Variants in NEURL1 observed in about 807,000 individuals in gnomAD.
NEURL1 encodes the protein E3 ubiquitin-protein ligase NEURL1.
NEURL1 carries 26 observed loss-of-function variants against 41.2 expected under a neutral mutation model. The observed-to-expected ratio is 0.63, with a 90% CI of 0.46 to 0.87. The LOEUF (loss-of-function observed/expected upper bound fraction) is 0.87, where lower values mean the gene tolerates loss of function less well. Ranked by LOEUF, NEURL1 falls within the 40% of genes least tolerant of loss-of-function variation. The pLI is 0.00. For missense variants in NEURL1, 761 were observed against 871.1 expected (o/e 0.87, Z 1.59); for synonymous variants, 400 against 402.3 (o/e 0.99, Z 0.07).
Position 103,555,530 on chromosome 10 carries a change from G to A in NEURL1, c.86-15342G>A, listed in dbSNP as rs1279066406. The stretch of plus-strand genomic sequence containing the variant: ...GTCATGCCCCTACTTCTCACTCCAT[G>A]GAGGGGTCTGGGGCTGTGTGGGGGC... On this transcript the variant is annotated intron_variant, in intron 1 of 5. Coordinates refer to ENST00000369780, the MANE Select transcript of NEURL1 (RefSeq NM_004210.5). The A allele has an allele frequency of 7.6e-6, 7 of 917,036 alleles. No homozygotes were observed. In the East Asian group the frequency reaches 5.3e-4, roughly 70 times the overall value. 56.8% of individuals were successfully genotyped at this position (917,036 alleles called of 1,614,324 possible).
intron 1 of NEURL1, among the ~76,000 whole-genome samples, chr10:103,567,067 T>C (rs2035440675): frequency 6.6e-6 from 1 of 151,030 alleles, no homozygotes. Flanking sequence ...ACTGCAACCC[T>C]CCGCCTCCTG....
intron 3 of NEURL1, chr10:103,577,831 C>G (rs2035697045): frequency 1.3e-5 from 2 of 152,228 alleles, no homozygotes; most frequent in Admixed American, 1.3e-4. Context: ...CTCCCGAGGG[C>G]TTTGTCTGGT....
intron 1 of NEURL1, among the ~76,000 whole-genome samples, chr10:103,525,801 A>G (rs951056112): frequency 5.9e-5 from 9 of 152,150 alleles, no homozygotes; most frequent in Non-Finnish European, 1.0e-4. Context: ...AAGTGGTAAT[A>G]GTGGGCTTTC....
In NEURL1 at chr10:103,494,053, A is replaced by C; in HGVS notation, c.-335A>C. On this transcript the variant is annotated 5_prime_UTR_variant, in exon 1 of 6. Transcript: ENST00000369780. ...CGGAGCCGCCGCGCCGCCCACCCCC[A>C]GCCGGAACCCTAGCGTCCCGGGGAG... is the stretch of plus-strand genomic sequence containing the variant. 4.8e-6 allele frequency: 1 copy of C among 206,660 alleles called. No individual in the cohort carries two copies. 12.8% of individuals were successfully genotyped at this position (206,660 alleles called of 1,614,324 possible).
At chr10:103,586,941 C>T (rs1322354494) in intron 4 of NEURL1, among the ~76,000 whole-genome samples, 1 of 152,132 alleles carries the variant, frequency 6.6e-6, no homozygotes, top group East Asian at 1.9e-4. Context: ...AGCCCAGCTA[C>T]TCGGGAGGTT....
intron 1 of NEURL1, among the ~76,000 whole-genome samples, chr10:103,534,266 G>A (rs934039459): frequency 6.2e-5 from 9 of 145,824 alleles, no homozygotes; most frequent in African/African-American, 1.5e-4. Context: ...CTTCCCATTT[G>A]GGTCTCTTAC....
At chr10:103,580,302 A>G (rs7068070) in intron 3 of NEURL1, among the ~76,000 whole-genome samples, 29,507 of 152,156 alleles carry the variant, frequency 0.19, 2,964 homozygotes, top group South Asian at 0.26. Flanking sequence ...GCCTTGTGCC[A>G]TCTCTGTTCC....
At chr10:103,514,872 TGGACAGCCC>T (rs2034162546) in intron 1 of NEURL1, among the ~76,000 whole-genome samples, 3 of 82,682 alleles carry the variant, frequency 3.6e-5, no homozygotes, top group Non-Finnish European at 9.3e-5. Context: ...GGGCTCTCTC[TGGACAGCCC>T]CCTCTCCCCA....
intron 1 of NEURL1, among the ~76,000 whole-genome samples, chr10:103,567,430 G>A (rs1264475492): frequency 6.6e-6 from 1 of 152,036 alleles, no homozygotes; most frequent in Admixed American, 6.6e-5. Flanking sequence ...TCTCACCCAG[G>A]TTGGAATGAA....
chr10:103,568,458 G>A (rs575551584), intron 1 of NEURL1, among the ~76,000 whole-genome samples: 1 of 152,232 alleles, frequency 6.6e-6, no homozygotes, highest in African/African-American at 2.4e-5. Flanking sequence ...CAGTTGCTCC[G>A]TGGATTCTGA....
intron 3 of NEURL1, among the ~76,000 whole-genome samples, chr10:103,575,761 G>A (rs149719232): frequency 1.8e-4 from 27 of 150,752 alleles, no homozygotes; most frequent in African/African-American, 6.0e-4. Context: ...TCTTTGGGGC[G>A]CCCTGGCCCA....
intron 1 of NEURL1, among the ~76,000 whole-genome samples, chr10:103,502,299 T>C (rs892103584): frequency 1.2e-4 from 18 of 152,168 alleles, no homozygotes; most frequent in Non-Finnish European, 2.5e-4. Context: ...TACTACAGAC[T>C]GGATGGCTTA....
intron 1 of NEURL1, among the ~76,000 whole-genome samples, chr10:103,513,878 G>A (rs1383524867): frequency 1.3e-5 from 2 of 152,028 alleles, no homozygotes; most frequent in Non-Finnish European, 2.9e-5. Context: ...AGTGAGGCCG[G>A]GGGAGGGCTG....
At chr10:103,547,098 A>C (rs2034938702) in intron 1 of NEURL1, among the ~76,000 whole-genome samples, 2 of 152,244 alleles carry the variant, frequency 1.3e-5, no homozygotes. Context: ...TCATCTACCC[A>C]GTAGCCGTAG....
chr10:103,571,163 C>T (rs1008178262), intron 2 of NEURL1, 50 bp downstream of exon 2: 3 of 1,577,054 alleles, frequency 1.9e-6, no homozygotes, highest in Non-Finnish European at 2.6e-6. Context: ...CTGCTCCCCT[C>T]ATGGCATCCC....
chr10:103,542,469 C>T (rs2034840795), intron 1 of NEURL1, among the ~76,000 whole-genome samples: 1 of 152,092 alleles, frequency 6.6e-6, no homozygotes, highest in Non-Finnish European at 1.5e-5. Flanking sequence ...TGCTATGTTA[C>T]CCAGGCTGGT....
intron 1 of NEURL1, among the ~76,000 whole-genome samples, chr10:103,510,720 G>A (rs1384926970): frequency 6.6e-6 from 1 of 152,160 alleles, no homozygotes; most frequent in South Asian, 2.1e-4. Context: ...TGTCTATATA[G>A]GACTGCCACC....
chr10:103,517,194 T>G (rs1481909173), intron 1 of NEURL1, among the ~76,000 whole-genome samples: 1 of 152,172 alleles, frequency 6.6e-6, no homozygotes, highest in Non-Finnish European at 1.5e-5. Flanking sequence ...GCTCAGTTGA[T>G]TTTTAAACTT....
At chr10:103,567,687 C>T (rs1319488253) in intron 1 of NEURL1, among the ~76,000 whole-genome samples, 1 of 152,240 alleles carries the variant, frequency 6.6e-6, no homozygotes. Context: ...GTGTGAGCCA[C>T]TGCACCTGGC....
Sources: gnomAD v4.1 joint callset for allele counts (sites outside exome capture counted in the v4.1 genomes callset) on GRCh38, gnomAD v4.1.1 for gene constraint, MANE v1.5 for transcripts, NCBI Gene and HGNC (gene_info 2026-07-23, HGNC 2026-07-21) for gene names.